Variants in ZMYM5 observed in about 807,000 individuals in gnomAD.
ZMYM5 encodes the protein zinc finger MYM-type protein 5.
Under a neutral mutation model 61.8 loss-of-function variants are expected in ZMYM5, and 41 were observed. That is an observed-to-expected ratio of 0.66 (90% CI 0.52 to 0.86). ZMYM5 has a LOEUF of 0.86. Ranked by LOEUF, ZMYM5 falls within the 40% of genes least tolerant of loss-of-function variation. The pLI is 0.00. For missense variants in ZMYM5, 706 were observed against 786.7 expected (o/e 0.90, Z 1.23); for synonymous variants, 257 against 276.4 (o/e 0.93, Z 0.70).
intron 2 of ZMYM5, among the ~76,000 whole-genome samples, chr13:19,857,246 A>G (rs1404986603): frequency 6.6e-6 from 1 of 152,386 alleles, no homozygotes; most frequent in East Asian, 1.9e-4. Context: ...TTCTTGTGGT[A>G]TCTTATTCAT....
intron 2 of ZMYM5, among the ~76,000 whole-genome samples, chr13:19,858,642 TC>T: frequency 6.7e-6 from 1 of 149,982 alleles, no homozygotes. Flanking sequence ...CTAACTTCGT[TC>T]CCTTCCAAAA....
At position 19,840,137 on chromosome 13, in the gene ZMYM5, A is replaced by G. The variant is rs141960086; in HGVS notation, c.587-1152T>C. On this transcript the variant is annotated intron_variant, in intron 4 of 7. Coordinates refer to ENST00000337963, the MANE Select transcript of ZMYM5 (RefSeq NM_001142684.2). ...ATGATAAAGAATTATTTTGTAATCT[A>G]TCTTCAAAAACAGCTTTTGGACAGG... Among the ~76,000 whole-genome samples, 636 of 152,308 alleles carry G rather than the reference A, an allele frequency of 4.2e-3. 2 individuals are homozygous for G. The highest frequency in any genetic ancestry group is 0.015 in the African/African-American group (616 of 41,572).
chr13:19,846,260 C>T (rs563852351), intron 4 of ZMYM5, among the ~76,000 whole-genome samples: 1 of 152,198 alleles, frequency 6.6e-6, no homozygotes, highest in South Asian at 2.1e-4. Flanking sequence ...GTATTTGTTT[C>T]ATACCAAAGT....
chr13:19,832,330 T>G (rs73168956), intron 7 of ZMYM5, among the ~76,000 whole-genome samples: 5,178 of 151,886 alleles, frequency 0.034, 110 homozygotes, highest in Middle Eastern at 0.079. Flanking sequence ...TCATCCTTTT[T>G]TTGTTGTTGT....
intron 7 of ZMYM5, among the ~76,000 whole-genome samples, chr13:19,832,456 A>C (rs1484671275): frequency 6.6e-6 from 1 of 151,736 alleles, no homozygotes; most frequent in Admixed American, 6.6e-5. Flanking sequence ...CCTCCCGAGT[A>C]GTTGGGATTA....
At chr13:19,829,318 G>A (rs751330244) in intron 7 of ZMYM5, among the ~76,000 whole-genome samples, 6 of 151,700 alleles carry the variant, frequency 4.0e-5, no homozygotes, top group East Asian at 1.9e-4. Flanking sequence ...AGATAGTCTC[G>A]CTCTGTCATT....
chr13:19,855,952 C>A (rs1284447973), intron 2 of ZMYM5, among the ~76,000 whole-genome samples: 4 of 151,416 alleles, frequency 2.6e-5, no homozygotes, highest in Non-Finnish European at 5.9e-5. Flanking sequence ...GGAGGCGGAG[C>A]TTGCAATGAG....
rs562714235 is a variant in ZMYM5 at position 19,851,347 on chromosome 13, C to T, written c.586+8G>A. On this transcript the variant is annotated splice_region_variant and intron_variant, in intron 4 of 7. Transcript: ENST00000337963. ...CTTGAGGTAGAAACAGTATCACTTA[C>T]TGCTTACCAGGACTATGATGAGTTG... 13 of 1,610,714 alleles carry T rather than the reference C, an allele frequency of 8.1e-6. No individual in the cohort carries two copies. The East Asian group carries it at 1.8e-4, about 22-fold the overall frequency.
chr13:19,839,131 C>T, intron 4 of ZMYM5, 146 bp from the exon 5 acceptor site: 1 of 830,876 alleles, frequency 1.2e-6, no homozygotes, highest in South Asian at 1.8e-5. Flanking sequence ...GATGCACAAT[C>T]CCAGGGGGAC....
At chr13:19,856,267 A>G (rs1296327714) in intron 2 of ZMYM5, among the ~76,000 whole-genome samples, 2 of 152,218 alleles carry the variant, frequency 1.3e-5, no homozygotes, top group Non-Finnish European at 2.9e-5. Context: ...GGGATAACAT[A>G]TAGCTTTAAG....
At chr13:19,845,338 T>C (rs561050683) in intron 4 of ZMYM5, among the ~76,000 whole-genome samples, 2 of 152,338 alleles carry the variant, frequency 1.3e-5, no homozygotes, top group African/African-American at 2.4e-5. Context: ...TTTTGTATTA[T>C]GTGGCATTTG....
intron 7 of ZMYM5, among the ~76,000 whole-genome samples, chr13:19,835,239 C>T (rs138174592): frequency 9.2e-5 from 14 of 152,218 alleles, no homozygotes; most frequent in Admixed American, 3.3e-4. Context: ...AAGCAATCCT[C>T]CCACCTCAGC....
Position 19,845,517 on chromosome 13 carries a change from C to A in ZMYM5, c.586+5838G>T, listed in dbSNP as rs1268374509. ...TACTCAGAGTTAGCATGAGACCCCA[C>A]AAGTTTAAAGGCCTGGTTCTCAGCA... On this transcript the variant is annotated intron_variant, in intron 4 of 7. Coordinates refer to ENST00000337963, the MANE Select transcript of ZMYM5 (RefSeq NM_001142684.2). 2.6e-5 allele frequency among the ~76,000 whole-genome samples: 4 copies of A among 152,292 alleles called. No homozygotes were observed. The East Asian group carries it at 7.7e-4, about 29-fold the overall frequency.
intron 4 of ZMYM5, among the ~76,000 whole-genome samples, chr13:19,842,655 T>TAAAA (rs568928054): frequency 7.5e-6 from 1 of 133,720 alleles, no homozygotes; most frequent in African/African-American, 2.7e-5. Context: ...TTTTTTTAAT[T>TAAAA]AAAAAAAAAA....
At chr13:19,844,586 T>C (rs1284501095) in intron 4 of ZMYM5, among the ~76,000 whole-genome samples, 1 of 152,198 alleles carries the variant, frequency 6.6e-6, no homozygotes, top group Non-Finnish European at 1.5e-5. Flanking sequence ...CTTTAAGTAA[T>C]AACACCTACT....
Position 19,851,399 on chromosome 13 carries a change from C to T in ZMYM5, c.542G>A (p.Gly181Glu), listed in dbSNP as rs116615412. ...AAATTCTCCATTCTGAAATAAGTCT[C>T]CTGCCACATTCATTCTACCAGGGTT... ...PFNPGRMNVA[G>E]DLFQNGEFAT... Residue 181 changes from glycine (G) to glutamate (E), a missense_variant, in exon 4 of 8, where the codon GGA becomes GAA. Coordinates refer to ENST00000337963, the MANE Select transcript of ZMYM5 (RefSeq NM_001142684.2). 1,590 of 1,614,130 alleles carry T rather than the reference C, an allele frequency of 9.9e-4. 15 individuals carry two copies. In the East Asian group the frequency reaches 0.02, roughly 21 times the overall value.
At position 19,824,840 on chromosome 13, in the gene ZMYM5, G is replaced by T. The variant is rs1312261684; in HGVS notation, c.1647C>A (p.Asn549Lys). 7.4e-7 allele frequency: 1 copy of T among 1,352,184 alleles called. No homozygotes were observed. Among genetic ancestry groups the T allele is most frequent in the Non-Finnish European group, 9.9e-7 (1 of 1,013,122 alleles). The allele number at this position is 1,352,184 out of a possible 1,614,324, so 83.8% of individuals were successfully genotyped here. ...TCCTCCCTGTATTATCTTTTGGAAA[G>T]TTAAAATTTCTTACTTGAGGCGGAA... ...ENVPPQVRNF[N>K]FPKDNTGRKF... Residue 549 changes from asparagine to lysine, a missense_variant, in exon 8 of 8, where the codon AAC becomes AAA. Around this residue, in one of 2 missense-constraint regions of ZMYM5, gnomAD observed 226 missense variants for 325.0 expected, o/e 0.70. Coordinates refer to ENST00000337963, the MANE Select transcript of ZMYM5 (RefSeq NM_001142684.2).
At chr13:19,831,803 A>AC (rs1434761788) in intron 7 of ZMYM5, among the ~76,000 whole-genome samples, 1 of 150,542 alleles carries the variant, frequency 6.6e-6, no homozygotes, top group Non-Finnish European at 1.5e-5. Context: ...AAAAAAAAAA[A>AC]AAAAAAAAAA....
intron 7 of ZMYM5, among the ~76,000 whole-genome samples, chr13:19,827,115 TAGG>T (rs1162061838): frequency 6.6e-6 from 1 of 152,104 alleles, no homozygotes; most frequent in Non-Finnish European, 1.5e-5. Flanking sequence ...TGTTAATAAA[TAGG>T]GGGTTTATTT....
Sources: gnomAD v4.1 joint callset for allele counts (sites outside exome capture counted in the v4.1 genomes callset) on GRCh38, gnomAD v4.1.1 for gene constraint, gnomAD v4.1.1 regional missense constraint, MANE v1.5 for transcripts, NCBI Gene and HGNC (gene_info 2026-07-23, HGNC 2026-07-21) for gene names.